The following GALNT10 variants were observed in gnomAD, a reference collection of about 807,000 sequenced individuals.
The protein encoded by GALNT10 is polypeptide N-acetylgalactosaminyltransferase 10.
A neutral mutation model predicts 75.0 loss-of-function variants in GALNT10; 41 were observed. That is an observed-to-expected ratio of 0.55 (90% CI 0.43 to 0.71). The LOEUF is 0.71. Among genes scored for constraint, GALNT10 ranks in the 30% least tolerant of loss-of-function variants. The pLI, the probability that GALNT10 is intolerant of heterozygous loss-of-function variation, is 0.00. For synonymous variants in GALNT10, 302 were observed against 313.0 expected (o/e 0.96, Z 0.37); for missense variants, 727 against 818.5 (o/e 0.89, Z 1.36).
rs568190290 is a variant in GALNT10 at position 154,392,890 on chromosome 5, C to T, written c.1056+6460C>T. On this transcript the variant is annotated intron_variant, in intron 7 of 11. Transcript: ENST00000297107. ...ATTCTTTGACCTGAAATTCCATGCCCAGGAGTTTATATAAGAGAGACAGTG... is the reference window on the plus strand; with the variant it reads ...ATTCTTTGACCTGAAATTCCATGCCTAGGAGTTTATATAAGAGAGACAGTG... 3 of 152,016 alleles carry T rather than the reference C, an allele frequency of 2.0e-5. No individual in the cohort carries two copies. In the South Asian group the frequency reaches 6.2e-4, roughly 32 times the overall value. 9.4% of individuals were successfully genotyped at this position (152,016 alleles called of 1,614,324 possible).
At chr5:154,200,843 C>T (rs183089665) in intron 1 of GALNT10, among the ~76,000 whole-genome samples, 1 of 152,244 alleles carries the variant, frequency 6.6e-6, no homozygotes, top group South Asian at 2.1e-4. Context: ...CCCAGAGATA[C>T]GTTTTGTGTG....
intron 7 of GALNT10, among the ~76,000 whole-genome samples, chr5:154,398,489 A>G (rs907063177): frequency 6.6e-6 from 1 of 152,142 alleles, no homozygotes; most frequent in Non-Finnish European, 1.5e-5. Flanking sequence ...CCAGGCCCCA[A>G]ATGGTATACA....
In GALNT10 at chr5:154,416,427, T is replaced by A. The variant is rs1756510470; in HGVS notation, c.1654-387T>A. Among the ~76,000 whole-genome samples, 1 of 149,266 alleles carries A rather than the reference T, an allele frequency of 6.7e-6. No individual in the cohort carries two copies. Among genetic ancestry groups the A allele is most frequent in the Non-Finnish European group, 1.5e-5 (1 of 67,478 alleles). ...CAGCCTGGGTGACAGAGTGAGAACC[T>A]GTCTCAAAAAAATTAAAAAAATTAA... On this transcript the variant is annotated intron_variant, in intron 11 of 11. Coordinates refer to ENST00000297107, the MANE Select transcript of GALNT10 (RefSeq NM_198321.4). The surrounding 1 kb of genome is among the most constrained non-coding windows in gnomAD (Gnocchi z 4.5).
At position 154,390,053 on chromosome 5, in the gene GALNT10, C is replaced by T. The variant is rs141395142; in HGVS notation, c.1056+3623C>T. On this transcript the variant is annotated intron_variant, in intron 7 of 11. Transcript: ENST00000297107. ...ATTACCAACCTTCCTAAACAAGAGC[C>T]CTTCTAACTACAGATGGCAATCAAC... 5.5e-3 allele frequency among the ~76,000 whole-genome samples: 832 copies of T among 152,236 alleles called. 8 individuals are homozygous for T. The highest frequency in any genetic ancestry group is 0.018 in the African/African-American group (758 of 41,534).
chr5:154,356,619 T>C (rs181844259), intron 4 of GALNT10, among the ~76,000 whole-genome samples: 18 of 152,306 alleles, frequency 1.2e-4, no homozygotes, highest in Non-Finnish European at 1.0e-4. Context: ...AGGAGCCTCA[T>C]GTAGAAAAAA....
chr5:154,235,416 G>A (rs2113664808), intron 1 of GALNT10, among the ~76,000 whole-genome samples: 1 of 152,242 alleles, frequency 6.6e-6, no homozygotes, highest in South Asian at 2.1e-4. Flanking sequence ...TCTTTGCAGA[G>A]TCTTTCCTTA....
intron 1 of GALNT10, among the ~76,000 whole-genome samples, chr5:154,230,833 C>T (rs755114661): frequency 2.0e-5 from 3 of 152,234 alleles, no homozygotes; most frequent in South Asian, 2.1e-4. Flanking sequence ...ATCCAGGTCA[C>T]AGTTCTTATT....
In GALNT10 at chr5:154,418,815, G is replaced by A. The variant is rs1204880173; in HGVS notation, c.*1843G>A. 1 of 152,260 alleles carries A rather than the reference G, an allele frequency of 6.6e-6. No homozygotes were observed. Among genetic ancestry groups the A allele is most frequent in the Non-Finnish European group, 1.5e-5 (1 of 68,034 alleles). The allele number at this position is 152,260 out of a possible 1,614,324, so 9.4% of individuals were successfully genotyped here. A position where few individuals can be genotyped will look rare whatever the true frequency, so the allele number is the denominator to read the frequency against. ...TTGCAACGCTTACGTGTTGATCCCAGTGTCCTTTTCCAAATGAGTGCTGTA... is the reference window on the plus strand; with the variant it reads ...TTGCAACGCTTACGTGTTGATCCCAATGTCCTTTTCCAAATGAGTGCTGTA... On this transcript the variant is annotated 3_prime_UTR_variant, in exon 12 of 12. Coordinates refer to ENST00000297107, the MANE Select transcript of GALNT10 (RefSeq NM_198321.4).
intron 3 of GALNT10, among the ~76,000 whole-genome samples, chr5:154,328,701 A>G (rs982750898): frequency 3.3e-5 from 5 of 152,226 alleles, no homozygotes; most frequent in Admixed American, 1.3e-4. Context: ...TTGCAAATCC[A>G]GACCTTGGGT....
chr5:154,227,127 G>A (rs1406726434), intron 1 of GALNT10, among the ~76,000 whole-genome samples: 1 of 152,094 alleles, frequency 6.6e-6, no homozygotes, highest in Non-Finnish European at 1.5e-5. Flanking sequence ...CTAGTTTTGT[G>A]CTATTACAAA....
At chr5:154,258,814 T>C (rs1753653943) in intron 1 of GALNT10, among the ~76,000 whole-genome samples, 1 of 152,206 alleles carries the variant, frequency 6.6e-6, no homozygotes, top group South Asian at 2.1e-4. Context: ...CACTGAGGCC[T>C]GCCTTTGCCA....
chr5:154,415,649 C>G (rs11167678), intron 10 of GALNT10, 134 bp from the exon 11 acceptor site: 174,223 of 855,550 alleles, frequency 0.2, 19,630 homozygotes, highest in East Asian at 0.44. Flanking sequence ...ACTTTTAAAG[C>G]TAGGTGGTTA....
chr5:154,371,888 CA>C (rs974767619), intron 4 of GALNT10, among the ~76,000 whole-genome samples: 2 of 152,144 alleles, frequency 1.3e-5, no homozygotes, highest in Non-Finnish European at 2.9e-5. Flanking sequence ...GAAGTTGTTA[CA>C]TCCTTCTCCG....
intron 1 of GALNT10, among the ~76,000 whole-genome samples, chr5:154,277,035 T>C (rs146791140): frequency 6.6e-6 from 1 of 152,250 alleles, no homozygotes; most frequent in East Asian, 1.9e-4. Flanking sequence ...TATAACAAAT[T>C]ACTCCAAAGC....
intron 4 of GALNT10, among the ~76,000 whole-genome samples, chr5:154,374,778 G>A (rs867443394): frequency 6.6e-6 from 1 of 151,690 alleles, no homozygotes; most frequent in Middle Eastern, 3.4e-3. Flanking sequence ...CTCAAATGAG[G>A]AGCCTTGGTT....
At chr5:154,382,525 C>A (rs1755748464) in intron 6 of GALNT10, among the ~76,000 whole-genome samples, 1 of 152,210 alleles carries the variant, frequency 6.6e-6, no homozygotes, top group Non-Finnish European at 1.5e-5. Context: ...GTTGGCAAAG[C>A]AATTTCTACT....
intron 1 of GALNT10, among the ~76,000 whole-genome samples, chr5:154,204,764 T>G (rs1210844254): frequency 3.3e-5 from 5 of 152,354 alleles, no homozygotes; most frequent in Non-Finnish European, 4.4e-5. Flanking sequence ...AGTACCTCTT[T>G]CCTACCCACT....
intron 1 of GALNT10, among the ~76,000 whole-genome samples, chr5:154,258,363 G>T (rs1285951985): frequency 6.6e-6 from 1 of 152,192 alleles, no homozygotes; most frequent in Admixed American, 6.5e-5. Context: ...ATTGGGCATT[G>T]CCGGGGAAAC....
intron 3 of GALNT10, among the ~76,000 whole-genome samples, chr5:154,312,053 T>C (rs1754528177): frequency 6.6e-6 from 1 of 151,458 alleles, no homozygotes; most frequent in South Asian, 2.1e-4. Flanking sequence ...CAGAAGGTAA[T>C]ATGTTCTTGT....
Sources: gnomAD v4.1 joint callset for allele counts (sites outside exome capture counted in the v4.1 genomes callset) on GRCh38, gnomAD v4.1.1 for gene constraint, Gnocchi (gnomAD v3.1) non-coding constraint, MANE v1.5 for transcripts, NCBI Gene and HGNC (gene_info 2026-07-23, HGNC 2026-07-21) for gene names.